Variants in FXN observed in about 807,000 individuals in gnomAD.
FXN encodes frataxin.
A neutral mutation model predicts 22.4 loss-of-function variants in FXN; 14 were observed. The ratio of observed to expected loss-of-function variants is 0.62; its 90% CI spans 0.41 to 0.98. The LOEUF is 0.98. Among genes scored for constraint, FXN ranks in the 50% least tolerant of loss-of-function variants. The pLI is 0.00. For synonymous variants in FXN, 120 were observed against 114.1 expected, an observed-to-expected ratio of 1.05 and a Z score of -0.33; for missense variants, 267 against 268.4, an observed-to-expected ratio of 0.99 and a Z score of 0.04.
Position 69,075,778 on chromosome 9 carries a change from TG to T in FXN, c.*3018del. 1.1e-6 allele frequency: 1 copy of T among 892,030 alleles called. No individual in the cohort carries two copies. Among genetic ancestry groups the T allele is most frequent in the Non-Finnish European group, 1.3e-6 (1 of 745,152 alleles). The allele number at this position is 892,030 out of a possible 1,614,324, so 55.3% of individuals were successfully genotyped here. Reference sequence around the variant, plus strand: ...CAGGATCTCACTTTGGCACTCAGGCTGGAGGACAGTGGTACAATCAAAGCTC... The same window carrying T: ...CAGGATCTCACTTTGGCACTCAGGCTGAGGACAGTGGTACAATCAAAGCTC... On this transcript the variant is annotated 3_prime_UTR_variant, in exon 5 of 5. Coordinates refer to ENST00000484259, the MANE Select transcript of FXN (RefSeq NM_000144.5).
At position 69,053,511 on chromosome 9, in the gene FXN, A is replaced by ATGGATGGATGGATG. The variant is rs34724950; in HGVS notation, c.384+251_384+252insTGGATGGATGGATG. Among the ~76,000 whole-genome samples, 876 of 134,000 alleles carry ATGGATGGATGGATG rather than the reference A, an allele frequency of 6.5e-3. 7 individuals are homozygous for ATGGATGGATGGATG. Among genetic ancestry groups the ATGGATGGATGGATG allele is most frequent in the Non-Finnish European group, 9.3e-3 (593 of 63,752 alleles). 87.9% of individuals were successfully genotyped at this position (134,000 alleles called of 152,430 possible). A position where few individuals can be genotyped will look rare whatever the true frequency, so the allele number is the denominator to read the frequency against. On this transcript the variant is annotated intron_variant, in intron 3 of 4. Coordinates refer to ENST00000484259, the MANE Select transcript of FXN (RefSeq NM_000144.5). ...TGGATGGATGGATGGATGGATGGAT[A>ATGGATGGATGGATG]GATAGATAGATAGATAGATAGATAG...
In FXN at chr9:69,058,462, T is replaced by C. The variant is rs189887697; in HGVS notation, c.384+5202T>C. Among the ~76,000 whole-genome samples, 37 of 152,258 alleles carry C rather than the reference T, an allele frequency of 2.4e-4. 1 individual carries two copies. The East Asian group carries it at 6.8e-3, about 28-fold the overall frequency. On this transcript the variant is annotated intron_variant, in intron 3 of 4. Coordinates refer to ENST00000484259, the MANE Select transcript of FXN (RefSeq NM_000144.5). ...TAATAAGGATTTGCTTGTTGACATG[T>C]TCTTTATTCACTAAGGTGTCAGCAT... is the stretch of plus-strand genomic sequence containing the variant.
Position 69,048,519 on chromosome 9 carries a change from C to T in FXN, c.263+2037C>T, listed in dbSNP as rs896158013. Reference sequence around the variant, plus strand: ...ACTCGGGAGCCTGAGGCAGGAGAATCGCTTAAACCCAGGAGATGGAGGCTG... The same window carrying T: ...ACTCGGGAGCCTGAGGCAGGAGAATTGCTTAAACCCAGGAGATGGAGGCTG... On this transcript the variant is annotated intron_variant, in intron 2 of 4. Transcript: ENST00000484259. Among the ~76,000 whole-genome samples, 3 of 152,032 alleles carry T rather than the reference C, an allele frequency of 2.0e-5. No homozygotes were observed. In the East Asian group the frequency reaches 5.8e-4, roughly 29 times the overall value.
chr9:69,035,993 C>A lies in FXN; in HGVS notation c.165+46C>A, dbSNP rs1055700445. 6 of 1,311,566 alleles carry A rather than the reference C, an allele frequency of 4.6e-6. No homozygotes were observed. The Admixed American group carries it at 1.2e-4, about 25-fold the overall frequency. 81.2% of individuals were successfully genotyped at this position (1,311,566 alleles called of 1,614,324 possible). On this transcript the variant is annotated intron_variant, in intron 1 of 4. Transcript: ENST00000484259. ...CAGCCGCGGGCCGCACGCCGCGGGC[C>A]GCACGCCGCACGCCTGCGCAGGGAG...
rs1041032903 is a variant in FXN at position 69,072,476 on chromosome 9, G to A, written c.483-136G>A. 3.1e-5 allele frequency: 44 copies of A among 1,426,002 alleles called. No homozygotes were observed. The South Asian group carries it at 4.1e-4, about 13-fold the overall frequency. The allele number at this position is 1,426,002 out of a possible 1,614,324, so 88.3% of individuals were successfully genotyped here. A position where few individuals can be genotyped will look rare whatever the true frequency, so the allele number is the denominator to read the frequency against. ...TCTTAGATGCTAAGATAAGAAGGCA[G>A]ATATACACTAGCTCATTTTGTGTTA... is the stretch of plus-strand genomic sequence containing the variant. On this transcript the variant is annotated intron_variant, in intron 4 of 4. Coordinates refer to ENST00000484259, the MANE Select transcript of FXN (RefSeq NM_000144.5).
chr9:69,076,649 G>A lies in FXN; in HGVS notation c.*3887G>A. The A allele has an allele frequency of 1.0e-6, 1 of 985,436 alleles. No homozygotes were observed. Among genetic ancestry groups the A allele is most frequent in the South Asian group, 4.7e-5 (1 of 21,286 alleles). The allele number at this position is 985,436 out of a possible 1,614,324, so 61.0% of individuals were successfully genotyped here. ...TTGCCACCTCTAAAGGAAGACCCATGTTCATAGTGATGGAGTTTGTGTGGA... is the reference window on the plus strand; with the variant it reads ...TTGCCACCTCTAAAGGAAGACCCATATTCATAGTGATGGAGTTTGTGTGGA... On this transcript the variant is annotated 3_prime_UTR_variant, in exon 5 of 5. Transcript: ENST00000484259.
chr9:69,051,197 G>A (rs979957712), intron 2 of FXN, among the ~76,000 whole-genome samples: 1 of 152,186 alleles, frequency 6.6e-6, no homozygotes, highest in Non-Finnish European at 1.5e-5. Flanking sequence ...TCCCTGGCTC[G>A]GGTGATCCCT....
chr9:69,069,178 A>G (rs1422992358), intron 4 of FXN, among the ~76,000 whole-genome samples: 1 of 152,224 alleles, frequency 6.6e-6, no homozygotes, highest in East Asian at 1.9e-4. Context: ...AGCCTGGGCA[A>G]CATAGTGAAA....
chr9:69,037,284 A>AAAGAAGAAGAAGAAGAAGAAGAAG (rs193922938), intron 1 of FXN, among the ~76,000 whole-genome samples: 5 of 78,046 alleles, frequency 6.4e-5, no homozygotes, highest in South Asian at 4.5e-4. Flanking sequence ...AAAAAAAAAA[A>AAAGAAGAAGAAGAAGAAGAAGAAG]AAGAAGAAGA....
chr9:69,064,846 A>G (rs1832140089), intron 3 of FXN, 92 bp from the exon 4 acceptor site: 3 of 762,212 alleles, frequency 3.9e-6, no homozygotes, highest in Non-Finnish European at 7.1e-6. Context: ...AGAAATGGAA[A>G]GTGTTGAGAT....
At chr9:69,060,693 G>A (rs1832055368) in intron 3 of FXN, among the ~76,000 whole-genome samples, 1 of 152,216 alleles carries the variant, frequency 6.6e-6, no homozygotes. Context: ...GAACAGACTG[G>A]TGGGAGGAAG....
At chr9:69,057,998 A>G (rs1250373487) in intron 3 of FXN, among the ~76,000 whole-genome samples, 1 of 152,236 alleles carries the variant, frequency 6.6e-6, no homozygotes, top group Non-Finnish European at 1.5e-5. Context: ...ATTGATTCAT[A>G]TGTAAATGAG....
intron 4 of FXN, among the ~76,000 whole-genome samples, chr9:69,068,814 C>T (rs554396864): frequency 2.0e-5 from 3 of 152,310 alleles, no homozygotes; most frequent in Admixed American, 6.5e-5. Context: ...TTGCTCCAAA[C>T]CCTCTGTTCG....
rs1453031692 is a variant in FXN at position 69,078,753 on chromosome 9, C to CT, written c.*5992dup. 3 of 985,476 alleles carry CT rather than the reference C, an allele frequency of 3.0e-6. No homozygotes were observed. In the African/African-American group the frequency reaches 5.2e-5, roughly 17 times the overall value. The allele number at this position is 985,476 out of a possible 1,614,324, so 61.0% of individuals were successfully genotyped here. ...TGGTCTTTATTCCCCACATCTCTGC[C>CT]TGGGGGGTAGATTCTACCCTGAAAA... is the stretch of plus-strand genomic sequence containing the variant. On this transcript the variant is annotated 3_prime_UTR_variant, in exon 5 of 5. Coordinates refer to ENST00000484259, the MANE Select transcript of FXN (RefSeq NM_000144.5).
At position 69,078,860 on chromosome 9, in the gene FXN, A is replaced by G; in HGVS notation, c.*6098A>G. 2 of 985,794 alleles carry G rather than the reference A, an allele frequency of 2.0e-6. No individual in the cohort carries two copies. Among genetic ancestry groups the G allele is most frequent in the Non-Finnish European group, 2.4e-6 (2 of 830,246 alleles). The allele number at this position is 985,794 out of a possible 1,614,324, so 61.1% of individuals were successfully genotyped here. A position where few individuals can be genotyped will look rare whatever the true frequency, so the allele number is the denominator to read the frequency against. On this transcript the variant is annotated 3_prime_UTR_variant, in exon 5 of 5. Coordinates refer to ENST00000484259, the MANE Select transcript of FXN (RefSeq NM_000144.5). ...CTTGATTGTTCCATGTCCTCAGCAT[A>G]CCATGTTTGTCTTTCCCAGCACTGA... is the stretch of plus-strand genomic sequence containing the variant.
chr9:69,069,068 G>A (rs1832224266), intron 4 of FXN, among the ~76,000 whole-genome samples: 1 of 152,196 alleles, frequency 6.6e-6, no homozygotes, highest in Admixed American at 6.5e-5. Context: ...AATGCTTGCA[G>A]GCGAAGAAGA....
intron 1 of FXN, among the ~76,000 whole-genome samples, chr9:69,043,159 A>G (rs1427417534): frequency 1.3e-5 from 2 of 152,214 alleles, no homozygotes; most frequent in Non-Finnish European, 2.9e-5. Flanking sequence ...TTCCCAGCCA[A>G]GGTCCAACAA....
At position 69,053,251 on chromosome 9, in the gene FXN, C is replaced by T. The variant is rs2133110986; in HGVS notation, c.375C>T (p.Val125=). 1 of 1,613,666 alleles carries T rather than the reference C, an allele frequency of 6.2e-7. No homozygotes were observed. Among genetic ancestry groups the T allele is most frequent in the Non-Finnish European group, 8.5e-7 (1 of 1,179,764 alleles). ...CATACACGTTTGAGGACTATGATGT[C>T]TCCTTTGGGGTACCTCTTGACTTCT... ...DKPYTFEDYD[V]SFGSGVLTVK... The change falls in exon 3 of 5, where the codon GTC becomes GTT. Residue 125 remains valine, a synonymous_variant. Coordinates refer to ENST00000484259, the MANE Select transcript of FXN (RefSeq NM_000144.5).
chr9:69,056,582 GC>G (rs1831962929), intron 3 of FXN, among the ~76,000 whole-genome samples: 9 of 152,106 alleles, frequency 5.9e-5, no homozygotes, highest in Admixed American at 5.9e-4. Context: ...AGCCATGATC[GC>G]ACCACTGTTC....
Sources: gnomAD v4.1 joint callset for allele counts (sites outside exome capture counted in the v4.1 genomes callset) on GRCh38, gnomAD v4.1.1 for gene constraint, MANE v1.5 for transcripts, NCBI Gene and HGNC (gene_info 2026-07-23, HGNC 2026-07-21) for gene names.